Variants in AKT3 observed in about 807,000 individuals in gnomAD.
AKT3 encodes the protein AKT serine/threonine kinase 3, also known as RAC-gamma serine/threonine-protein kinase.
A neutral mutation model predicts 65.3 loss-of-function variants in AKT3; 15 were observed. The observed-to-expected ratio is 0.23, with a 90% confidence interval of 0.15 to 0.35. The LOEUF (loss-of-function observed/expected upper bound fraction) is 0.35, where lower values mean the gene tolerates loss of function less well. Among genes scored for constraint, AKT3 ranks in the 10% least tolerant of loss-of-function variants. AKT3 has a pLI of 1.00. For synonymous variants in AKT3, 206 were observed against 183.8 expected, an observed-to-expected ratio of 1.12 and a Z score of -0.98; for missense variants, 243 against 576.5, an observed-to-expected ratio of 0.42 and a Z score of 5.92.
rs539982678 is a variant in AKT3, at chr1:243,800,233, C to T, written c.46+42892G>A. Among the ~76,000 whole-genome samples the T allele has an allele frequency of 9.4e-4, 143 of 152,306 alleles. 1 individual carries two copies. Among genetic ancestry groups the T allele is most frequent in the African/African-American group, 3.4e-3 (140 of 41,562 alleles). ...GTACAACCTTAGACAAGTTACTTAACTTTTCTGTACCTCAGTCTACTCATC... is the reference window on the plus strand; with the variant it reads ...GTACAACCTTAGACAAGTTACTTAATTTTTCTGTACCTCAGTCTACTCATC... On this transcript the variant is annotated intron_variant, in intron 2 of 13. Coordinates refer to ENST00000673466, the MANE Select transcript of AKT3 (RefSeq NM_005465.7).
intron 2 of AKT3, among the ~76,000 whole-genome samples, chr1:243,696,533 C>T (rs2148027951): frequency 6.6e-6 from 1 of 152,104 alleles, no homozygotes; most frequent in South Asian, 2.1e-4. Context: ...AGCTAGAAGG[C>T]TATCTGGTAT....
At chr1:243,825,049 A>T (rs1033894524) in intron 2 of AKT3, among the ~76,000 whole-genome samples, 1 of 152,228 alleles carries the variant, frequency 6.6e-6, no homozygotes, top group Non-Finnish European at 1.5e-5. Flanking sequence ...TGGTACATAT[A>T]CACCATGGAA....
intron 8 of AKT3, among the ~76,000 whole-genome samples, chr1:243,607,542 G>A (rs1309239311): frequency 6.6e-6 from 1 of 152,200 alleles, no homozygotes; most frequent in Admixed American, 6.5e-5. Flanking sequence ...TTGTATCTAG[G>A]AAGTAACTAA....
chr1:243,590,293 T>A lies in AKT3; in HGVS notation c.697-17245A>T, dbSNP rs577378165. On this transcript the variant is annotated intron_variant, in intron 8 of 13. Transcript: ENST00000673466. The stretch of plus-strand genomic sequence containing the variant: ...GATAGGTGACAGACGTATTCACTAA[T>A]TCAATTGTGGCAATCCTTTCACAAT... Among the ~76,000 whole-genome samples the A allele has an allele frequency of 7.9e-5, 12 of 152,316 alleles. No homozygotes were observed. The South Asian group carries it at 2.1e-3, about 26-fold the overall frequency.
chr1:243,575,012 T>C (rs1324273215), intron 8 of AKT3, among the ~76,000 whole-genome samples: 2 of 152,158 alleles, frequency 1.3e-5, no homozygotes, highest in Non-Finnish European at 2.9e-5. Context: ...ATATATCAGC[T>C]AAAAATTATA....
chr1:243,659,565 G>A (rs1051703649), intron 4 of AKT3, among the ~76,000 whole-genome samples: 1 of 151,948 alleles, frequency 6.6e-6, no homozygotes, highest in Non-Finnish European at 1.5e-5. Flanking sequence ...AGTACAGAAA[G>A]GTCAAAGGGG....
intron 2 of AKT3, among the ~76,000 whole-genome samples, chr1:243,701,786 G>C (rs759556354): frequency 3.3e-5 from 5 of 151,764 alleles, no homozygotes; most frequent in Non-Finnish European, 7.4e-5. Flanking sequence ...TTGTAACATA[G>C]TCTTCAAAGC....
Position 243,501,557 on chromosome 1 carries a change from A to C in AKT3, c.*3692T>G, listed in dbSNP as rs1297894167. On this transcript the variant is annotated 3_prime_UTR_variant, in exon 14 of 14. Transcript: ENST00000673466. Reference sequence around the variant, plus strand: ...GCAGCCGTTCATCAAAGTTTGCACAACCGCACTACTGCCATTTCACTGAAG... The same window carrying C: ...GCAGCCGTTCATCAAAGTTTGCACACCCGCACTACTGCCATTTCACTGAAG... The C allele has an allele frequency of 1.3e-4, 30 of 233,004 alleles. No individual in the cohort carries two copies. In the Admixed American group the frequency reaches 1.7e-3, roughly 13 times the overall value. The allele number at this position is 233,004 out of a possible 1,614,324, so 14.4% of individuals were successfully genotyped here. A position where few individuals can be genotyped will look rare whatever the true frequency, so the allele number is the denominator to read the frequency against.
chr1:243,765,405 G>A (rs1381752889), intron 2 of AKT3, among the ~76,000 whole-genome samples: 1 of 152,054 alleles, frequency 6.6e-6, no homozygotes, highest in Admixed American at 6.6e-5. Context: ...CCTCAACCAT[G>A]TAAACCAGCT....
chr1:243,678,899 A>AT (rs1683717989), intron 3 of AKT3, among the ~76,000 whole-genome samples: 1 of 152,038 alleles, frequency 6.6e-6, no homozygotes, highest in Admixed American at 6.6e-5. Flanking sequence ...TTATACATGG[A>AT]TTTTTTTCAA....
chr1:243,572,795 A>AT, intron 9 of AKT3, 131 bp downstream of exon 9: 3 of 1,047,250 alleles, frequency 2.9e-6, no homozygotes, highest in Non-Finnish European at 3.9e-6. Flanking sequence ...AGTGAACTAA[A>AT]TTTTTAAACA....
intron 3 of AKT3, among the ~76,000 whole-genome samples, chr1:243,693,827 T>C (rs1684881145): frequency 6.6e-6 from 1 of 152,172 alleles, no homozygotes; most frequent in African/African-American, 2.4e-5. Flanking sequence ...GTAAGATCCA[T>C]GTTACTAATA....
At chr1:243,684,872 T>A (rs566300689) in intron 3 of AKT3, among the ~76,000 whole-genome samples, 1 of 152,352 alleles carries the variant, frequency 6.6e-6, no homozygotes, top group South Asian at 2.1e-4. Context: ...GGATGGTATC[T>A]CATTGTGTTT....
At chr1:243,841,626 ATAAAGT>A (rs543501582) in intron 2 of AKT3, among the ~76,000 whole-genome samples, 2 of 152,316 alleles carry the variant, frequency 1.3e-5, no homozygotes, top group African/African-American at 4.8e-5. Context: ...TATACTTCTT[ATAAAGT>A]TAAACACACA....
At chr1:243,677,736 G>A (rs920815187) in intron 3 of AKT3, among the ~76,000 whole-genome samples, 5 of 152,056 alleles carry the variant, frequency 3.3e-5, no homozygotes, top group Non-Finnish European at 7.4e-5. Flanking sequence ...GTAAAGCACT[G>A]TCCAAATAAA....
At chr1:243,544,028 T>A (rs1458119191) in intron 12 of AKT3, among the ~76,000 whole-genome samples, 1 of 152,096 alleles carries the variant, frequency 6.6e-6, no homozygotes, top group Non-Finnish European at 1.5e-5. Flanking sequence ...ACTTGGCACA[T>A]AACAGACCCC....
At chr1:243,550,044 G>C (rs1574588007) in intron 11 of AKT3, among the ~76,000 whole-genome samples, 1 of 152,092 alleles carries the variant, frequency 6.6e-6, no homozygotes, top group Admixed American at 6.5e-5. Flanking sequence ...TTCTGTGCTT[G>C]AGTGCCAATG....
chr1:243,668,935 T>C (rs1682986526), intron 3 of AKT3, among the ~76,000 whole-genome samples: 1 of 152,226 alleles, frequency 6.6e-6, no homozygotes, highest in Non-Finnish European at 1.5e-5. Flanking sequence ...CAACTTTGTA[T>C]AGCAGCATGA....
At chr1:243,510,754 T>G (rs1277387534) in intron 13 of AKT3, among the ~76,000 whole-genome samples, 1 of 152,164 alleles carries the variant, frequency 6.6e-6, no homozygotes, top group Non-Finnish European at 1.5e-5. Context: ...CAAACCAGTG[T>G]GAGCAAGTTT....
Sources: gnomAD v4.1 joint callset for allele counts (sites outside exome capture counted in the v4.1 genomes callset) on GRCh38, gnomAD v4.1.1 for gene constraint, MANE v1.5 for transcripts, NCBI Gene and HGNC (gene_info 2026-07-23, HGNC 2026-07-21) for gene names.